The following LMO3 variants were observed in gnomAD, a reference collection of about 807,000 sequenced individuals.
The protein encoded by LMO3 is LIM domain only 3, also known as LIM domain only protein 3.
In LMO3, 2 loss-of-function variants were observed where a neutral mutation model predicts 15.8. That is an observed-to-expected ratio of 0.13 (90% confidence interval 0.05 to 0.40). The LOEUF is 0.40. Ranked by LOEUF, LMO3 falls within the 10% of genes least tolerant of loss-of-function variation. The pLI is 0.99. For missense variants in LMO3, 86 were observed against 182.2 expected (o/e 0.47, Z 3.04); for synonymous variants, 62 against 63.8 (o/e 0.97, Z 0.13).
rs532400807 is a variant in LMO3 at position 16,556,839 on chromosome 12, T to TGACAA, written c.332+3569_332+3573dup. ...TTAGTTTGTCTTGTAGGGGCTGAAG[T>TGACAA]GACAAGACAATAACTAAGTGCTAAT... On this transcript the variant is annotated intron_variant, in intron 3 of 3. Coordinates refer to ENST00000537304, the MANE Select transcript of LMO3 (RefSeq NM_018640.5). Among the ~76,000 whole-genome samples the TGACAA allele has an allele frequency of 1.5e-4, 23 of 152,298 alleles. No homozygotes were observed. In the South Asian group the frequency reaches 4.6e-3, roughly 30 times the overall value.
chr12:16,566,557 G>T (rs988340532), intron 2 of LMO3, among the ~76,000 whole-genome samples: 1 of 151,806 alleles, frequency 6.6e-6, no homozygotes, highest in Non-Finnish European at 1.5e-5. Context: ...ATTAAAAAAA[G>T]AAATTTTCAA....
At chr12:16,580,123 C>T (rs1591805583) in intron 2 of LMO3, among the ~76,000 whole-genome samples, 1 of 152,090 alleles carries the variant, frequency 6.6e-6, no homozygotes, top group East Asian at 1.9e-4. Context: ...ACAAAATATA[C>T]ACCTACGTTA....
chr12:16,551,284 G>A lies in LMO3; in HGVS notation c.376C>T (p.Leu126Phe), dbSNP rs1399292645. The A allele has an allele frequency of 6.2e-7, 1 of 1,612,864 alleles. No homozygotes were observed. Among genetic ancestry groups the A allele is most frequent in the Non-Finnish European group, 8.5e-7 (1 of 1,179,020 alleles). Residue 126 changes from leucine (L) to phenylalanine (F), a missense_variant, in exon 4 of 4, where the codon CTT becomes TTT. By Grantham distance (22) the Leu-to-Phe change is conservative. Around this residue, in one of 3 missense-constraint regions of LMO3, gnomAD observed 51 missense variants for 140.3 expected, o/e 0.36. Transcript: ENST00000537304. ...CCTTCCTCGTAGTCCGTCTGGCAAA[G>A]GATCATGTTATTCTTTAGGAAAAAT... is the stretch of plus-strand genomic sequence containing the variant. ...DKFFLKNNMI[L>F]CQTDYEEGLM...
At position 16,599,586 on chromosome 12, in the gene LMO3, C is replaced by T. The variant is rs1363592438; in HGVS notation, c.206+1069G>A. 6.6e-6 allele frequency: 1 copy of T among 152,090 alleles called. No individual in the cohort carries two copies. The highest frequency in any genetic ancestry group is 2.4e-5 in the African/African-American group (1 of 41,404). The allele number at this position is 152,090 out of a possible 1,614,324, so 9.4% of individuals were successfully genotyped here. A position where few individuals can be genotyped will look rare whatever the true frequency, so the allele number is the denominator to read the frequency against. ...AAGGGAAAAAATTCCAAATAAATCG[C>T]TTAATGTCAGACCAGAAAAATGATA... On this transcript the variant is annotated intron_variant, in intron 2 of 3. Coordinates refer to ENST00000537304, the MANE Select transcript of LMO3 (RefSeq NM_018640.5). This position sits in a 1 kb window ranked among gnomAD's most constrained non-coding sequence, Gnocchi z 4.1.
intron 2 of LMO3, among the ~76,000 whole-genome samples, chr12:16,561,225 C>T (rs948553484): frequency 2.6e-5 from 4 of 152,058 alleles, no homozygotes; most frequent in Admixed American, 2.0e-4. Flanking sequence ...TCCTGAGAAT[C>T]GTTATTGTAA....
At chr12:16,575,567 A>C (rs1942967570) in intron 2 of LMO3, among the ~76,000 whole-genome samples, 1 of 152,170 alleles carries the variant, frequency 6.6e-6, no homozygotes, top group African/African-American at 2.4e-5. Context: ...AATCCTCAGG[A>C]CAACTGAATG....
chr12:16,573,760 C>A (rs1158043592), intron 2 of LMO3: 1 of 152,182 alleles, frequency 6.6e-6, no homozygotes, highest in Non-Finnish European at 1.5e-5. Flanking sequence ...AAGGCCGTTA[C>A]ACAAGGCAGC....
chr12:16,567,272 A>T, intron 2 of LMO3: 1 of 160,720 alleles, frequency 6.2e-6, no homozygotes, highest in Non-Finnish European at 1.3e-5. Flanking sequence ...AATTCATGGT[A>T]TTGAGAGAAA....
intron 1 of LMO3, chr12:16,605,289 C>A: frequency 5.1e-6 from 6 of 1,185,118 alleles, no homozygotes; most frequent in Non-Finnish European, 6.3e-6. Flanking sequence ...TGAAAAAGAT[C>A]ATAAATCTGA....
At chr12:16,605,154 G>T in intron 1 of LMO3, 1 of 1,391,950 alleles carries the variant, frequency 7.2e-7, no homozygotes, top group Non-Finnish European at 9.3e-7. Flanking sequence ...GAATGACAAA[G>T]CCACATGCTT....
upstream of LMO3, chr12:16,609,256 G>A (rs954136531): frequency 2.0e-5 from 3 of 152,114 alleles, no homozygotes; most frequent in Non-Finnish European, 4.4e-5. Flanking sequence ...GACACTTTGC[G>A]AAAAACACCA....
upstream of LMO3, chr12:16,608,648 C>G (rs897399703): frequency 6.6e-6 from 1 of 152,062 alleles, no homozygotes; most frequent in Admixed American, 6.6e-5. The surrounding 1 kb of genome is among the most constrained non-coding windows in gnomAD (Gnocchi z 4.1). Flanking sequence ...TCCTTTTCCT[C>G]TCAATTTTAC....
intron 2 of LMO3, among the ~76,000 whole-genome samples, chr12:16,588,424 C>T (rs1943389996): frequency 6.6e-6 from 1 of 151,698 alleles, no homozygotes; most frequent in African/African-American, 2.4e-5. Context: ...CTAAAACAAC[C>T]TAAAATTTTA....
At chr12:16,552,427 C>T (rs956421746) in intron 3 of LMO3, among the ~76,000 whole-genome samples, 4 of 151,986 alleles carry the variant, frequency 2.6e-5, no homozygotes, top group African/African-American at 4.8e-5. Flanking sequence ...GAAAGCCACC[C>T]TTTAATGTTT....
intron 2 of LMO3, among the ~76,000 whole-genome samples, chr12:16,580,522 C>T (rs1162430290): frequency 2.0e-5 from 3 of 152,078 alleles, no homozygotes; most frequent in Non-Finnish European, 2.9e-5. Context: ...TTTGGAAAAC[C>T]TTTGGAGGAC....
chr12:16,569,301 T>G (rs989025167), intron 2 of LMO3, among the ~76,000 whole-genome samples: 1 of 152,120 alleles, frequency 6.6e-6, no homozygotes, highest in Non-Finnish European at 1.5e-5. Context: ...ACTTCTTTGT[T>G]TTTCCCTGCA....
rs572269580 is a variant in LMO3 at position 16,582,083 on chromosome 12, A to G, written c.206+18572T>C. Among the ~76,000 whole-genome samples the G allele has an allele frequency of 6.6e-6, 1 of 152,294 alleles. No individual in the cohort carries two copies. Among genetic ancestry groups the G allele is most frequent in the East Asian group, 1.9e-4 (1 of 5,182 alleles). ...TGGCTTTTTCTTGGCTTTAATGGAA[A>G]TTACTTTAGTATTTAGCTGTTTTAT... On this transcript the variant is annotated intron_variant, in intron 2 of 3. Coordinates refer to ENST00000537304, the MANE Select transcript of LMO3 (RefSeq NM_018640.5). The surrounding 1 kb of genome is among the most constrained non-coding windows in gnomAD (Gnocchi z 4.1).
upstream of LMO3, chr12:16,609,285 C>G (rs1347831593): frequency 6.6e-6 from 1 of 152,126 alleles, no homozygotes; most frequent in Non-Finnish European, 1.5e-5. Flanking sequence ...CAGCAAACTC[C>G]CTGTTTTCCT....
rs1257144227 is a variant in LMO3 at position 16,560,364 on chromosome 12, G to C, written c.332+49C>G. 2 of 1,581,136 alleles carry C rather than the reference G, an allele frequency of 1.3e-6. No individual in the cohort carries two copies. The highest frequency in any genetic ancestry group is 8.6e-7 in the Non-Finnish European group (1 of 1,162,488). ...TTTCCACCTATTAAATAAATAGCCA[G>C]CACAGAGAGGTTAACCATTTCTTAG... On this transcript the variant is annotated intron_variant, in intron 3 of 3. Coordinates refer to ENST00000537304, the MANE Select transcript of LMO3 (RefSeq NM_018640.5). The surrounding 1 kb of genome is among the most constrained non-coding windows in gnomAD (Gnocchi z 5.0).
Sources: allele counts gnomAD v4.1 joint callset (sites outside exome capture counted in the v4.1 genomes callset), GRCh38; gene constraint gnomAD v4.1.1; regional missense constraint gnomAD v4.1.1; non-coding constraint Gnocchi (gnomAD v3.1); transcripts MANE v1.5; gene names NCBI Gene and HGNC (gene_info 2026-07-23, HGNC 2026-07-21).